PDE4D: variants seen among roughly 807,000 people sequenced by gnomAD.
The protein encoded by PDE4D is 3',5'-cyclic-AMP phosphodiesterase 4D.
A neutral mutation model predicts 87.4 loss-of-function variants in PDE4D; 24 were observed. The ratio of observed to expected loss-of-function variants is 0.27; its 90% CI spans 0.20 to 0.39. The LOEUF (loss-of-function observed/expected upper bound fraction) is 0.39. PDE4D is among the 10% of genes least tolerant of loss of function. The probability of loss-of-function intolerance (pLI) is 1.00; values close to 1 mark genes in which losing one functional copy is unlikely to be tolerated. For missense variants in PDE4D, 714 were observed against 1,041.0 expected (o/e 0.69, Z 4.32); for synonymous variants, 384 against 383.2 (o/e 1.00, Z -0.02).
intron 1 of PDE4D, among the ~76,000 whole-genome samples, chr5:60,485,612 G>C (rs1735951163): frequency 6.6e-6 from 1 of 152,150 alleles, no homozygotes; most frequent in Non-Finnish European, 1.5e-5. Context: ...TAGTTTTACA[G>C]AACCTTATCT....
intron 1 of PDE4D, among the ~76,000 whole-genome samples, chr5:59,476,953 A>G (rs1803381262): frequency 6.6e-6 from 1 of 152,072 alleles, no homozygotes; most frequent in Admixed American, 6.6e-5. Context: ...ATAAGTTTCA[A>G]TAATTTATAA....
intron 1 of PDE4D, among the ~76,000 whole-genome samples, chr5:59,847,996 G>A (rs1441859903): frequency 6.6e-6 from 1 of 152,026 alleles, no homozygotes; most frequent in Non-Finnish European, 1.5e-5. Flanking sequence ...AGATCTTCAT[G>A]ATTACAATGG....
intron 1 of PDE4D, among the ~76,000 whole-genome samples, chr5:59,583,074 T>C (rs765529060): frequency 1.2e-4 from 19 of 152,180 alleles, no homozygotes; most frequent in Non-Finnish European, 2.6e-4. Context: ...GGTATTTAAA[T>C]AAAATGCCCT....
intron 6 of PDE4D, among the ~76,000 whole-genome samples, chr5:59,020,541 GAA>G (rs1754949168): frequency 6.6e-6 from 1 of 151,964 alleles, no homozygotes; most frequent in South Asian, 2.1e-4. Context: ...TTTAACACCA[GAA>G]AGTTTGTATT....
At chr5:59,467,736 A>G (rs377730178) in intron 1 of PDE4D, among the ~76,000 whole-genome samples, 30 of 152,336 alleles carry the variant, frequency 2.0e-4, no homozygotes, top group African/African-American at 7.2e-4. Context: ...TCATATGTAC[A>G]CAGGAATTGT....
At chr5:60,131,618 A>G (rs1211733785) in intron 2 of PDE4D, among the ~76,000 whole-genome samples, 1 of 152,198 alleles carries the variant, frequency 6.6e-6, no homozygotes, top group Non-Finnish European at 1.5e-5. Context: ...TATCTTGCTA[A>G]CTGACACCCA....
intron 1 of PDE4D, among the ~76,000 whole-genome samples, chr5:59,774,917 A>G (rs1763935054): frequency 6.6e-6 from 1 of 151,946 alleles, no homozygotes; most frequent in Admixed American, 6.6e-5. Flanking sequence ...CTTGTCTCAA[A>G]CTCCTGACCT....
At chr5:59,511,002 G>A (rs1810197587) in intron 1 of PDE4D, among the ~76,000 whole-genome samples, 1 of 151,874 alleles carries the variant, frequency 6.6e-6, no homozygotes, top group Admixed American at 6.6e-5. Context: ...AATAAAATAA[G>A]ATTAATAAGT....
chr5:59,773,189 T>C (rs756212), intron 1 of PDE4D, among the ~76,000 whole-genome samples: 48,895 of 151,988 alleles, frequency 0.32, 9,496 homozygotes, highest in African/African-American at 0.55. Context: ...CTTGCAATCA[T>C]ACTTAGGGTG....
chr5:60,326,810 C>A (rs76284572), intron 1 of PDE4D, among the ~76,000 whole-genome samples: 1,691 of 152,206 alleles, frequency 0.011, 35 homozygotes, highest in African/African-American at 0.038. Context: ...ATCTTTAGAA[C>A]TGCAGGCTTC....
chr5:60,343,458 T>C lies in PDE4D; in HGVS notation c.-90+144484A>G, dbSNP rs146979939. On this transcript the variant is annotated intron_variant, in intron 1 of 16. Coordinates refer to the PDE4D transcript ENST00000502484. ...GCACCAATGATGATAACAATGATGA[T>C]GATGATGACGATGATAATGGTAGTG... 3.9e-3 allele frequency among the ~76,000 whole-genome samples: 600 copies of C among 152,296 alleles called. 5 individuals are homozygous for C. The highest frequency in any genetic ancestry group is 0.013 in the African/African-American group (556 of 41,570).
At chr5:60,451,170 C>T (rs1343520040) in intron 1 of PDE4D, among the ~76,000 whole-genome samples, 1 of 152,030 alleles carries the variant, frequency 6.6e-6, no homozygotes, top group African/African-American at 2.4e-5. Context: ...GTCAAAAATC[C>T]TAGATGCTCA....
intron 2 of PDE4D, among the ~76,000 whole-genome samples, chr5:60,067,847 C>T (rs1400870736): frequency 2.0e-5 from 3 of 152,100 alleles, no homozygotes; most frequent in African/African-American, 7.2e-5. Flanking sequence ...TCATGTATTT[C>T]ACTTAGCACA....
intron 1 of PDE4D, among the ~76,000 whole-genome samples, chr5:60,471,386 G>T (rs1345529147): frequency 6.6e-6 from 1 of 152,146 alleles, no homozygotes; most frequent in Non-Finnish European, 1.5e-5. Context: ...TAACAACTAA[G>T]GATTTAGAAT....
At chr5:59,954,267 G>A (rs1581893395) in intron 3 of PDE4D, among the ~76,000 whole-genome samples, 1 of 152,148 alleles carries the variant, frequency 6.6e-6, no homozygotes, top group Non-Finnish European at 1.5e-5. Flanking sequence ...AAATGATATG[G>A]TGACAATTAT....
chr5:59,133,407 G>A (rs1239138823), intron 5 of PDE4D, among the ~76,000 whole-genome samples: 2 of 152,050 alleles, frequency 1.3e-5, no homozygotes, highest in Admixed American at 6.5e-5. Context: ...AGAGTCGTGA[G>A]GATTTCACAA....
chr5:59,064,008 G>A (rs1217810311), intron 5 of PDE4D, among the ~76,000 whole-genome samples: 2 of 151,976 alleles, frequency 1.3e-5, no homozygotes, highest in Non-Finnish European at 2.9e-5. Context: ...TCTGGATTGT[G>A]ACCAGAATTC....
chr5:59,064,617 T>C (rs895152013), intron 5 of PDE4D, among the ~76,000 whole-genome samples: 2 of 152,178 alleles, frequency 1.3e-5, no homozygotes, highest in Non-Finnish European at 2.9e-5. Context: ...CTGCACACCA[T>C]GGTGATTTGT....
rs548737341 is a variant in PDE4D, at chr5:60,431,966, G to A, written c.-90+55976C>T. ...CGCAGGCCTGCAATCGCAGGCACTC[G>A]CAGGCTGAGGCAGGAGAATCAGGCA... is the stretch of plus-strand genomic sequence containing the variant. On this transcript the variant is annotated intron_variant, in intron 1 of 16. Coordinates refer to the PDE4D transcript ENST00000502484. 1.3e-4 allele frequency among the ~76,000 whole-genome samples: 20 copies of A among 152,332 alleles called. No homozygotes were observed. The South Asian group carries it at 3.1e-3, about 24-fold the overall frequency.
Sources: allele counts gnomAD v4.1 joint callset (sites outside exome capture counted in the v4.1 genomes callset), GRCh38; gene constraint gnomAD v4.1.1; transcripts MANE v1.5; gene names NCBI Gene and HGNC (gene_info 2026-07-23, HGNC 2026-07-21).